HIVEP3: variants seen among roughly 807,000 people sequenced by gnomAD.
HIVEP3 encodes the protein HIVEP zinc finger 3.
Under a neutral mutation model 152.8 loss-of-function variants are expected in HIVEP3, and 49 were observed. That is an observed-to-expected ratio of 0.32 (90% confidence interval 0.26 to 0.41). The LOEUF is 0.41. HIVEP3 is among the 10% of genes least tolerant of loss of function. HIVEP3 has a pLI of 1.00. For missense variants in HIVEP3, 2,790 were observed against 3,103.3 expected (o/e 0.90, Z 2.40); for synonymous variants, 1,269 against 1,289.0 (o/e 0.98, Z 0.33).
chr1:41,806,780 G>T (rs1650644748), intron 1 of HIVEP3, among the ~76,000 whole-genome samples: 1 of 152,166 alleles, frequency 6.6e-6, no homozygotes, highest in Non-Finnish European at 1.5e-5. Context: ...CCAGAGGGAA[G>T]GGGCATCTCA....
intron 1 of HIVEP3, among the ~76,000 whole-genome samples, chr1:42,023,688 A>G (rs1160054717): frequency 6.6e-6 from 1 of 152,102 alleles, no homozygotes; most frequent in Non-Finnish European, 1.5e-5. Flanking sequence ...GCTCTGTGAC[A>G]TGCCTGCTCC....
intron 2 of HIVEP3, among the ~76,000 whole-genome samples, chr1:41,634,026 A>G (rs1037461038): frequency 6.6e-6 from 1 of 152,192 alleles, no homozygotes; most frequent in African/African-American, 2.4e-5. Context: ...TTGGAGGAAA[A>G]AGGGTTAAAA....
chr1:41,888,919 ACAC>A (rs575475660), intron 1 of HIVEP3, among the ~76,000 whole-genome samples: 198 of 146,050 alleles, frequency 1.4e-3, no homozygotes, highest in Admixed American at 2.4e-3. Context: ...TATACCTCAC[ACAC>A]CACATGCCAC....
chr1:41,673,614 A>G (rs1165965583), intron 2 of HIVEP3, among the ~76,000 whole-genome samples: 1 of 152,022 alleles, frequency 6.6e-6, no homozygotes, highest in Non-Finnish European at 1.5e-5. Context: ...CCTGAGTCCA[A>G]TTTCTTGAAC....
intron 2 of HIVEP3, among the ~76,000 whole-genome samples, chr1:41,667,994 A>G (rs1383133208): frequency 1.3e-5 from 2 of 152,200 alleles, no homozygotes; most frequent in East Asian, 3.8e-4. Context: ...ATAAACATGA[A>G]CACAAGGTAA....
intron 1 of HIVEP3, among the ~76,000 whole-genome samples, chr1:41,720,385 G>C (rs1249439704): frequency 6.6e-6 from 1 of 152,230 alleles, no homozygotes; most frequent in African/African-American, 2.4e-5. Flanking sequence ...ATCGGGAATA[G>C]CCTTGGGTCT....
intron 2 of HIVEP3, among the ~76,000 whole-genome samples, chr1:41,699,073 C>A (rs1483092086): frequency 2.0e-5 from 3 of 152,244 alleles, no homozygotes; most frequent in Non-Finnish European, 4.4e-5. Flanking sequence ...CCAAAACTCA[C>A]AGGTGGCTCT....
intron 1 of HIVEP3, among the ~76,000 whole-genome samples, chr1:41,794,161 A>G (rs576157722): frequency 4.5e-4 from 68 of 152,334 alleles, no homozygotes; most frequent in African/African-American, 1.5e-3. Context: ...ATGCCTCACA[A>G]TCATGGTGGA....
At chr1:41,698,215 T>C (rs1037319002) in intron 2 of HIVEP3, among the ~76,000 whole-genome samples, 24 of 152,160 alleles carry the variant, frequency 1.6e-4, no homozygotes, top group African/African-American at 5.6e-4. Context: ...CTCTGGCTGG[T>C]ACCTCCTCTA....
chr1:42,032,835 C>G (rs1387665629), intron 1 of HIVEP3, among the ~76,000 whole-genome samples: 4 of 152,154 alleles, frequency 2.6e-5, no homozygotes, highest in Non-Finnish European at 5.9e-5. Context: ...CCTAACTGGT[C>G]TCCCGGATTT....
chr1:41,912,375 G>A (rs1183427443), intron 1 of HIVEP3, among the ~76,000 whole-genome samples: 1 of 152,116 alleles, frequency 6.6e-6, no homozygotes, highest in Admixed American at 6.5e-5. Context: ...TTCAAAAGAT[G>A]GTCACAACAC....
intron 1 of HIVEP3, among the ~76,000 whole-genome samples, chr1:41,815,722 C>A (rs1651218487): frequency 6.6e-6 from 1 of 151,508 alleles, no homozygotes; most frequent in Admixed American, 6.6e-5. Flanking sequence ...GAATCGCCAA[C>A]AAGTGCCGTA....
At chr1:41,909,295 G>A (rs1021167257) in intron 1 of HIVEP3, among the ~76,000 whole-genome samples, 1 of 152,086 alleles carries the variant, frequency 6.6e-6, no homozygotes. Flanking sequence ...CTGTACTTCA[G>A]GCTCTATTGG....
chr1:41,849,292 T>C (rs1026302547), intron 1 of HIVEP3, among the ~76,000 whole-genome samples: 1 of 152,232 alleles, frequency 6.6e-6, no homozygotes, highest in Non-Finnish European at 1.5e-5. Flanking sequence ...TCACGACAGA[T>C]GCACGCAGAT....
At chr1:41,995,995 C>T (rs1167110385) in intron 1 of HIVEP3, among the ~76,000 whole-genome samples, 1 of 152,122 alleles carries the variant, frequency 6.6e-6, no homozygotes, top group Non-Finnish European at 1.5e-5. Context: ...TTAAAATAGC[C>T]ATTTTATTAA....
intron 1 of HIVEP3, among the ~76,000 whole-genome samples, chr1:41,951,821 G>C (rs984104406): frequency 2.0e-5 from 3 of 152,156 alleles, no homozygotes; most frequent in Admixed American, 1.3e-4. Context: ...CTGCCCCCAT[G>C]ATTCAATTAC....
rs1479419572 is a variant in HIVEP3 at position 41,511,352 on chromosome 1, C to T, written c.6406-86G>A. The T allele has an allele frequency of 1.6e-5, 19 of 1,214,668 alleles. No individual in the cohort carries two copies. Among genetic ancestry groups the T allele is most frequent in the Middle Eastern group, 2.9e-4 (1 of 3,496 alleles). 75.2% of individuals were successfully genotyped at this position (1,214,668 alleles called of 1,614,324 possible). On this transcript the variant is annotated intron_variant, in intron 8 of 8. Coordinates refer to ENST00000372583, the MANE Select transcript of HIVEP3 (RefSeq NM_024503.5). This position sits in a 1 kb window ranked among gnomAD's most constrained non-coding sequence, Gnocchi z 4.9. ...GAGGCCTGGAAGTGGGAGGGGGACT[C>T]GCCCAAGATCACAGAGCGAGTCCAG...
intron 1 of HIVEP3, among the ~76,000 whole-genome samples, chr1:41,893,122 C>CA (rs59214004): frequency 0.076 from 5,781 of 76,456 alleles, 301 homozygotes; most frequent in African/African-American, 0.13. Context: ...GATCTCGTCT[C>CA]AAAAAAAAAA....
rs1643325235 is a variant in HIVEP3, at chr1:41,533,668, C to T, written c.5208-8758G>A. Among the ~76,000 whole-genome samples the T allele has an allele frequency of 6.6e-6, 1 of 151,956 alleles. No homozygotes were observed. The highest frequency in any genetic ancestry group is 1.5e-5 in the Non-Finnish European group (1 of 68,000). The stretch of plus-strand genomic sequence containing the variant: ...CCTCATTCCCTCCTGCTTGTGTCTC[C>T]TTTGCAAGCTCCTTTTTTGCCCACC... On this transcript the variant is annotated intron_variant, in intron 5 of 8. Coordinates refer to ENST00000372583, the MANE Select transcript of HIVEP3 (RefSeq NM_024503.5). This position sits in a 1 kb window ranked among gnomAD's most constrained non-coding sequence, Gnocchi z 4.3.
Sources: allele counts gnomAD v4.1 joint callset (sites outside exome capture counted in the v4.1 genomes callset), GRCh38; gene constraint gnomAD v4.1.1; non-coding constraint Gnocchi (gnomAD v3.1); transcripts MANE v1.5; gene names NCBI Gene and HGNC (gene_info 2026-07-23, HGNC 2026-07-21).